CLIP2: variants seen among roughly 807,000 people sequenced by gnomAD.
CLIP2 encodes the protein CAP-Gly domain containing linker protein 2.
CLIP2 carries 41 observed loss-of-function variants against 111.7 expected under a neutral mutation model. That is an observed-to-expected ratio of 0.37 (90% CI 0.29 to 0.48). The LOEUF (loss-of-function observed/expected upper bound fraction) is 0.48. Ranked by LOEUF, CLIP2 falls within the 20% of genes least tolerant of loss-of-function variation. The pLI, the probability that CLIP2 is intolerant of heterozygous loss-of-function variation, is 0.99. For missense variants in CLIP2, 1,160 were observed against 1,422.1 expected (o/e 0.82, Z 2.96); for synonymous variants, 660 against 644.2 (o/e 1.02, Z -0.37).
At chr7:74,360,966 G>A (rs1790310367) in intron 7 of CLIP2, among the ~76,000 whole-genome samples, 1 of 151,964 alleles carries the variant, frequency 6.6e-6, no homozygotes, top group South Asian at 2.1e-4. Context: ...GGTGTCCCTG[G>A]GGAGCCGTGC....
In CLIP2 at chr7:74,338,741, T is replaced by A. The variant is rs1350388662; in HGVS notation, c.415T>A (p.Phe139Ile). The change falls in exon 3 of 17, where the codon TTC (phenylalanine) becomes ATC (isoleucine). Residue 139 changes from phenylalanine (F) to isoleucine (I), a missense_variant. Phe to Ile is a conservative substitution (Grantham distance 21). This residue lies in a region of CLIP2 where 301 missense variants were observed against 315.2 expected (regional missense o/e 0.96). Transcript: ENST00000223398. The surrounding 1 kb of genome is among the most constrained non-coding windows in gnomAD (Gnocchi z 4.3). ...CGAGTGCCCGGCCCTCCAGGGTATC[T>A]TCACGCGGCCCTCCAAGCTGACCCG... The part of the protein sequence containing the change: ...YFECPALQGI[F>I]TRPSKLTRQP... 3.8e-6 allele frequency: 6 copies of A among 1,598,918 alleles called. No individual in the cohort carries two copies. Among genetic ancestry groups the A allele is most frequent in the Non-Finnish European group, 5.1e-6 (6 of 1,175,308 alleles).
chr7:74,346,082 G>A (rs1205421554), intron 3 of CLIP2, among the ~76,000 whole-genome samples: 1 of 151,898 alleles, frequency 6.6e-6, no homozygotes, highest in Admixed American at 6.6e-5. Flanking sequence ...GGGTTCAAGC[G>A]ATCCTCCCAA....
chr7:74,301,495 G>T (rs1788333462), intron 1 of CLIP2, among the ~76,000 whole-genome samples: 1 of 150,966 alleles, frequency 6.6e-6, no homozygotes, highest in African/African-American at 2.4e-5. Flanking sequence ...TGATTCTCCT[G>T]CCTCAGCCTC....
chr7:74,380,899 C>T, intron 11 of CLIP2, 36 bp downstream of exon 11: 5 of 1,605,796 alleles, frequency 3.1e-6, no homozygotes, highest in Non-Finnish European at 4.3e-6. Context: ...ACTCTGGGCT[C>T]TGGGAAGAGG....
intron 11 of CLIP2, among the ~76,000 whole-genome samples, chr7:74,383,612 G>A (rs1425814942): frequency 1.3e-5 from 2 of 152,148 alleles, no homozygotes; most frequent in Non-Finnish European, 2.9e-5. Context: ...CCATTTTAAA[G>A]CAAACACTTC....
At chr7:74,347,479 AG>A (rs1789830660) in intron 3 of CLIP2, among the ~76,000 whole-genome samples, 1 of 152,136 alleles carries the variant, frequency 6.6e-6, no homozygotes, top group African/African-American at 2.4e-5. Context: ...TGTGTTGGCC[AG>A]GCTGGTCTCG....
At chr7:74,398,507 C>T (rs1367477910) in intron 14 of CLIP2, among the ~76,000 whole-genome samples, 1 of 152,182 alleles carries the variant, frequency 6.6e-6, no homozygotes, top group Non-Finnish European at 1.5e-5. Flanking sequence ...TGTCCTGAAG[C>T]CCCCCACCAC....
At chr7:74,393,593 C>T (rs1791357072) in intron 13 of CLIP2, among the ~76,000 whole-genome samples, 1 of 152,122 alleles carries the variant, frequency 6.6e-6, no homozygotes, top group Non-Finnish European at 1.5e-5. Flanking sequence ...GCCTCAGCCT[C>T]CCAAAGTGCT....
chr7:74,356,317 T>C, intron 4 of CLIP2, 93 bp from the exon 5 acceptor site: 1 of 1,065,478 alleles, frequency 9.4e-7, no homozygotes, highest in Non-Finnish European at 1.5e-6. Flanking sequence ...TCTTTCTCTC[T>C]TTCTGCCAGG....
chr7:74,364,250 T>G lies in CLIP2; in HGVS notation c.1320-5T>G. On this transcript the variant is annotated splice_polypyrimidine_tract_variant and splice_region_variant and intron_variant, in intron 7 of 16. Coordinates refer to ENST00000223398, the MANE Select transcript of CLIP2 (RefSeq NM_003388.5). ...AGGTCAGCCACCTCTTTCCCTCCCCTGCAGGAAGGTGGAGGATCTGCAGTT... is the reference window on the plus strand; with the variant it reads ...AGGTCAGCCACCTCTTTCCCTCCCCGGCAGGAAGGTGGAGGATCTGCAGTT... 1 of 1,612,714 alleles carries G rather than the reference T, an allele frequency of 6.2e-7. No homozygotes were observed. The highest frequency in any genetic ancestry group is 8.5e-7 in the Non-Finnish European group (1 of 1,179,396).
chr7:74,353,158 AAAG>A (rs1239518866), intron 3 of CLIP2, among the ~76,000 whole-genome samples: 1 of 152,120 alleles, frequency 6.6e-6, no homozygotes, highest in Non-Finnish European at 1.5e-5. Flanking sequence ...CTCAAAAAAA[AAAG>A]AAAAAGAAAA....
intron 13 of CLIP2, among the ~76,000 whole-genome samples, chr7:74,395,073 C>T (rs1554316458): frequency 6.6e-6 from 1 of 152,214 alleles, no homozygotes; most frequent in Non-Finnish European, 1.5e-5. Flanking sequence ...CGTCTCCCTG[C>T]TGTCAACAGC....
chr7:74,400,661 A>G (rs1791593865), intron 15 of CLIP2, 106 bp downstream of exon 15: 1 of 1,164,992 alleles, frequency 8.6e-7, no homozygotes, highest in Non-Finnish European at 1.2e-6. Context: ...CCCCAGTCTG[A>G]GGAGGTAGGG....
chr7:74,308,856 C>A (rs1454361593), intron 1 of CLIP2, among the ~76,000 whole-genome samples: 1 of 151,504 alleles, frequency 6.6e-6, no homozygotes, highest in Non-Finnish European at 1.5e-5. Flanking sequence ...CATGCCCGGC[C>A]CTTTTTAAAA....
intron 13 of CLIP2, among the ~76,000 whole-genome samples, chr7:74,395,237 G>A (rs1448467044): frequency 1.3e-5 from 2 of 151,328 alleles, no homozygotes; most frequent in Non-Finnish European, 2.9e-5. Context: ...TTGGCTCACC[G>A]CAACCTCTGC....
In CLIP2 at chr7:74,372,982, G is replaced by A. The variant is rs782282342; in HGVS notation, c.1431G>A (p.Leu477=). ...HARIGELEQS[L]LLEKAQAERL... is the part of the protein sequence containing the mutation. Reference sequence around the variant, plus strand: ...GCATTGGGGAGCTGGAACAGAGCCTGCTACTGGAGAAGGCGCAGGCCGAGC... The same window carrying A: ...GCATTGGGGAGCTGGAACAGAGCCTACTACTGGAGAAGGCGCAGGCCGAGC... Residue 477 remains leucine (L), a synonymous_variant, in exon 9 of 17, where the codon CTG becomes CTA. Transcript: ENST00000223398. The A allele has an allele frequency of 6.3e-7, 1 of 1,589,526 alleles. No individual in the cohort carries two copies. The highest frequency in any genetic ancestry group is 1.1e-5 in the South Asian group (1 of 88,270).
intron 1 of CLIP2, among the ~76,000 whole-genome samples, chr7:74,300,457 CTTTT>C (rs34522776): frequency 3.1e-5 from 4 of 130,418 alleles, no homozygotes; most frequent in Non-Finnish European, 3.4e-5. Flanking sequence ...TGATTTCATT[CTTTT>C]TTTTTTTTTT....
rs370392138 is a variant in CLIP2 at position 74,352,642 on chromosome 7, G to A, written c.679-1238G>A. Among the ~76,000 whole-genome samples the A allele has an allele frequency of 6.0e-5, 9 of 150,396 alleles. No homozygotes were observed. The South Asian group carries it at 1.1e-3, about 18-fold the overall frequency. On this transcript the variant is annotated intron_variant, in intron 3 of 16. Coordinates refer to ENST00000223398, the MANE Select transcript of CLIP2 (RefSeq NM_003388.5). ...ACAAAAATTAGCTGGGCGTGGTGGC[G>A]CGCACCTGTAGTCCCAGCTACTCAG...
intron 1 of CLIP2, among the ~76,000 whole-genome samples, chr7:74,291,711 C>CCGGTGGGCA (rs1554725396): frequency 2.0e-5 from 3 of 152,150 alleles, no homozygotes; most frequent in Admixed American, 6.6e-5. Context: ...TTCTTCAGCA[C>CCGGTGGGCA]CCTTGCTGGT....
Sources: allele counts gnomAD v4.1 joint callset (sites outside exome capture counted in the v4.1 genomes callset), GRCh38; gene constraint gnomAD v4.1.1; regional missense constraint gnomAD v4.1.1; non-coding constraint Gnocchi (gnomAD v3.1); transcripts MANE v1.5; gene names NCBI Gene and HGNC (gene_info 2026-07-23, HGNC 2026-07-21).